CHCHD3: variants seen among roughly 807,000 people sequenced by gnomAD.
CHCHD3 encodes the protein coiled-coil-helix-coiled-coil-helix domain containing 3.
A neutral mutation model predicts 38.2 loss-of-function variants in CHCHD3; 20 were observed. The ratio of observed to expected loss-of-function variants is 0.52; its 90% CI spans 0.37 to 0.76. The LOEUF is 0.76. Among genes scored for constraint, CHCHD3 ranks in the 30% least tolerant of loss-of-function variants. CHCHD3 has a pLI of 0.00. For missense variants in CHCHD3, 245 were observed against 279.2 expected (o/e 0.88, Z 0.87); for synonymous variants, 82 against 100.0 (o/e 0.82, Z 1.07).
intron 1 of CHCHD3, among the ~76,000 whole-genome samples, chr7:133,071,632 C>T (rs1223409005): frequency 1.3e-5 from 2 of 152,178 alleles, no homozygotes; most frequent in South Asian, 4.1e-4. Flanking sequence ...AAGCATATGT[C>T]CACACAAAGA....
intron 1 of CHCHD3, among the ~76,000 whole-genome samples, chr7:133,071,485 T>G (rs1235969454): frequency 1.3e-5 from 2 of 152,192 alleles, no homozygotes; most frequent in African/African-American, 4.8e-5. Flanking sequence ...CTGAAGGATT[T>G]TAAGCAGGGG....
At chr7:132,913,938 TTTTC>T (rs1348413610) in intron 4 of CHCHD3, among the ~76,000 whole-genome samples, 1 of 137,844 alleles carries the variant, frequency 7.3e-6, no homozygotes, top group Non-Finnish European at 1.5e-5. Context: ...TCTGTAAACG[TTTTC>T]TTTTTCTTTT....
At chr7:132,973,620 A>T in intron 4 of CHCHD3, 1 of 1,012,110 alleles carries the variant, frequency 9.9e-7, no homozygotes, top group Non-Finnish European at 1.2e-6. Flanking sequence ...TACCACCTCT[A>T]TTCTGGCTTC....
At chr7:132,978,822 C>T (rs1811841933) in intron 3 of CHCHD3, among the ~76,000 whole-genome samples, 1 of 152,204 alleles carries the variant, frequency 6.6e-6, no homozygotes, top group Non-Finnish European at 1.5e-5. Flanking sequence ...GTGGTGCAAA[C>T]TGACTAAAAA....
chr7:133,062,895 A>T (rs1183431400), intron 2 of CHCHD3, among the ~76,000 whole-genome samples: 1 of 152,050 alleles, frequency 6.6e-6, no homozygotes, highest in Non-Finnish European at 1.5e-5. Context: ...ACATAATATA[A>T]AGCAGCTGAA....
At chr7:133,022,469 C>G (rs1484102294) in intron 3 of CHCHD3, 1 of 456,596 alleles carries the variant, frequency 2.2e-6, no homozygotes, top group Admixed American at 2.3e-5. Flanking sequence ...ACAAAACTTT[C>G]TTAATGCTGT....
chr7:133,076,776 A>G (rs1010098757), intron 1 of CHCHD3, among the ~76,000 whole-genome samples: 1 of 152,206 alleles, frequency 6.6e-6, no homozygotes, highest in South Asian at 2.1e-4. Context: ...GTAACAGAGT[A>G]AAAAAAGAGG....
intron 5 of CHCHD3, among the ~76,000 whole-genome samples, chr7:132,884,865 T>C (rs1809164630): frequency 6.6e-6 from 1 of 152,218 alleles, no homozygotes; most frequent in African/African-American, 2.4e-5. Context: ...TCCTAACTCA[T>C]GTTTAACTTC....
At chr7:132,791,981 A>G (rs1400513614) in intron 7 of CHCHD3, among the ~76,000 whole-genome samples, 2 of 152,106 alleles carry the variant, frequency 1.3e-5, no homozygotes, top group African/African-American at 2.4e-5. Flanking sequence ...TGTGAGCTGA[A>G]CTAACTGTTT....
At chr7:132,909,235 C>T (rs539002488) in intron 4 of CHCHD3, among the ~76,000 whole-genome samples, 61 of 152,216 alleles carry the variant, frequency 4.0e-4, no homozygotes, top group African/African-American at 1.4e-3. Context: ...TGGTGGTTCA[C>T]GCTGTCCCCG....
chr7:132,949,391 C>T (rs1489557348), intron 4 of CHCHD3, among the ~76,000 whole-genome samples: 3 of 152,126 alleles, frequency 2.0e-5, no homozygotes, highest in Non-Finnish European at 4.4e-5. Flanking sequence ...CAAGAAGATA[C>T]TGAGCTTTCT....
chr7:132,795,081 C>A (rs1203799817), intron 7 of CHCHD3, among the ~76,000 whole-genome samples: 1 of 152,242 alleles, frequency 6.6e-6, no homozygotes, highest in Non-Finnish European at 1.5e-5. Flanking sequence ...GCAGCTGCCA[C>A]TGTGGTAATG....
chr7:132,978,351 T>C (rs1346837442), intron 3 of CHCHD3, among the ~76,000 whole-genome samples: 1 of 152,130 alleles, frequency 6.6e-6, no homozygotes, highest in Non-Finnish European at 1.5e-5. Flanking sequence ...AAATCACAAA[T>C]TGACTCTACT....
At chr7:132,959,533 G>A (rs113164837) in intron 4 of CHCHD3, among the ~76,000 whole-genome samples, 2,876 of 152,062 alleles carry the variant, frequency 0.019, 104 homozygotes, top group African/African-American at 0.065. Context: ...GACCAGCCCG[G>A]CCAACATGGT....
At chr7:132,984,396 G>A (rs1303808503) in intron 3 of CHCHD3, among the ~76,000 whole-genome samples, 1 of 151,192 alleles carries the variant, frequency 6.6e-6, no homozygotes, top group Non-Finnish European at 1.5e-5. Context: ...GTGCAGTGGC[G>A]TGATCTCGGC....
chr7:132,992,783 T>C (rs919366589), intron 3 of CHCHD3, among the ~76,000 whole-genome samples: 7 of 152,218 alleles, frequency 4.6e-5, no homozygotes, highest in African/African-American at 9.6e-5. Context: ...AGAGTTACTT[T>C]TTTTTGTTTG....
intron 2 of CHCHD3, among the ~76,000 whole-genome samples, chr7:133,047,607 T>C (rs551619704): frequency 2.6e-4 from 39 of 152,276 alleles, no homozygotes; most frequent in Non-Finnish European, 5.3e-4. Flanking sequence ...GTGAAAAAAA[T>C]CCAGTTTATT....
chr7:132,952,456 G>T (rs1288899308), intron 4 of CHCHD3, among the ~76,000 whole-genome samples: 1 of 152,176 alleles, frequency 6.6e-6, no homozygotes, highest in Non-Finnish European at 1.5e-5. Flanking sequence ...AACTTTAAAA[G>T]TTGGCTACAG....
intron 2 of CHCHD3, among the ~76,000 whole-genome samples, chr7:133,052,771 A>G (rs748269060): frequency 8.5e-5 from 13 of 152,184 alleles, no homozygotes; most frequent in Non-Finnish European, 1.6e-4. Flanking sequence ...CACAAGACAT[A>G]TGGAAAACCT....
Sources: gnomAD v4.1 joint callset for allele counts (sites outside exome capture counted in the v4.1 genomes callset) on GRCh38, gnomAD v4.1.1 for gene constraint, MANE v1.5 for transcripts, NCBI Gene and HGNC (gene_info 2026-07-23, HGNC 2026-07-21) for gene names.